SLC12A9: variants seen among roughly 807,000 people sequenced by gnomAD.
SLC12A9 encodes the protein CCC-interacting protein 1.
In SLC12A9, 55 loss-of-function variants were observed where a neutral mutation model predicts 66.0. The observed-to-expected ratio is 0.83, with a 90% CI of 0.67 to 1.04. The LOEUF (loss-of-function observed/expected upper bound fraction) is 1.04, where lower values mean the gene tolerates loss of function less well. Among genes scored for constraint, SLC12A9 ranks in the 50% least tolerant of loss-of-function variants. SLC12A9 has a pLI of 0.00. For synonymous variants in SLC12A9, 577 were observed against 569.0 expected (o/e 1.01, Z -0.20); for missense variants, 1,061 against 1,241.9 (o/e 0.85, Z 2.19).
chr7:100,851,361 A>G (rs562293130), upstream of SLC12A9, among the ~76,000 whole-genome samples: 8 of 152,092 alleles, frequency 5.3e-5, no homozygotes, highest in South Asian at 1.5e-3. Flanking sequence ...ATGGAAGCAG[A>G]GTTCAGTGAC....
chr7:100,828,886 G>T (rs1355498382), intron 1 of SLC12A9, among the ~76,000 whole-genome samples: 1 of 151,954 alleles, frequency 6.6e-6, no homozygotes, highest in Non-Finnish European at 1.5e-5. Flanking sequence ...TAACAGTATG[G>T]GTTACTGGAT....
chr7:100,857,118 G>A lies in SLC12A9; in HGVS notation c.699G>A (p.Pro233=), dbSNP rs745820372. The A allele has an allele frequency of 1.5e-4, 237 of 1,614,050 alleles. No homozygotes were observed. Among genetic ancestry groups the A allele is most frequent in the East Asian group, 2.5e-4 (11 of 44,896 alleles). ...PRPGPNGSSL[P]PRFGHFTGFN... Reference sequence around the variant, plus strand: ...CTGGCCCCAATGGCTCCTCCCTGCCGCCCCGGTTTGGCCACTTCACCGGCT... The same window carrying A: ...CTGGCCCCAATGGCTCCTCCCTGCCACCCCGGTTTGGCCACTTCACCGGCT... The change falls in exon 5 of 14, where the codon CCG becomes CCA. Residue 233 remains proline (P), a synonymous_variant. Coordinates refer to ENST00000354161, the MANE Select transcript of SLC12A9 (RefSeq NM_020246.4).
intron 4 of SLC12A9, chr7:100,856,084 C>T (rs1584695180): frequency 2.8e-6 from 1 of 362,584 alleles, no homozygotes; most frequent in Non-Finnish European, 4.7e-6. Context: ...ACAGAGACCA[C>T]CAGGGAGAGC....
intron 1 of SLC12A9, among the ~76,000 whole-genome samples, chr7:100,837,023 T>A (rs1309469980): frequency 6.6e-6 from 1 of 152,194 alleles, no homozygotes; most frequent in African/African-American, 2.4e-5. Context: ...GGGAACACTC[T>A]GAGGTCACCT....
chr7:100,864,675 T>C (rs948738665), intron 13 of SLC12A9, among the ~76,000 whole-genome samples: 3 of 152,190 alleles, frequency 2.0e-5, no homozygotes, highest in Non-Finnish European at 4.4e-5. Context: ...TGGAGGCGGA[T>C]TGCGTTGACC....
At chr7:100,843,472 A>T (rs1213904001) in intron 1 of SLC12A9, among the ~76,000 whole-genome samples, 1 of 152,236 alleles carries the variant, frequency 6.6e-6, no homozygotes, top group Non-Finnish European at 1.5e-5. Context: ...CCCTGAGGCT[A>T]CCTGAACCCT....
In SLC12A9 at chr7:100,859,917, G is replaced by T; in HGVS notation, c.1010G>T (p.Arg337Leu). 2 of 1,606,586 alleles carry T rather than the reference G, an allele frequency of 1.2e-6. No individual in the cohort carries two copies. The highest frequency in any genetic ancestry group is 2.7e-5 in the African/African-American group (2 of 74,886). ...CTGCAGGAAGACTATGGGTTCTTCC[G>T]CGCCATCAGCCTGTGGCCCCCACTG... ...TLLQEDYGFF[R>L]AISLWPPLVL... Residue 337 changes from arginine to leucine, a missense_variant, in exon 8 of 14, where the codon CGC becomes CTC. Coordinates refer to ENST00000354161, the MANE Select transcript of SLC12A9 (RefSeq NM_020246.4).
At chr7:100,850,020 C>T (rs1464148604), upstream of SLC12A9, among the ~76,000 whole-genome samples, 1 of 151,864 alleles carries the variant, frequency 6.6e-6, no homozygotes, top group Non-Finnish European at 1.5e-5. Context: ...CTACGGTTGC[C>T]TGCCACCACG....
At chr7:100,865,472 C>G in intron 13 of SLC12A9, 1 of 1,532,916 alleles carries the variant, frequency 6.5e-7, no homozygotes, top group African/African-American at 1.4e-5. Context: ...AATCCTAAGG[C>G]GAACTTTGCC....
upstream of SLC12A9, chr7:100,852,628 G>A (rs762593414): frequency 1.3e-5 from 2 of 148,958 alleles, no homozygotes; most frequent in Non-Finnish European, 3.0e-5. Context: ...GGCTGGGGAA[G>A]AGCAGAGAGG....
At position 100,865,393 on chromosome 7, in the gene SLC12A9, G is replaced by T. The variant is rs1019820549; in HGVS notation, c.1859-326G>T. The T allele has an allele frequency of 4.6e-6, 7 of 1,536,036 alleles. No individual in the cohort carries two copies. The African/African-American group carries it at 9.6e-5, about 21-fold the overall frequency. ...TCGCATCCCCTGCCGTGAAACAGAT[G>T]CCCCGCTAGAAGCCGGGAGTGGACA... On this transcript the variant is annotated intron_variant, in intron 13 of 13. Transcript: ENST00000354161.
intron 9 of SLC12A9, 83 bp downstream of exon 9, chr7:100,860,315 C>T (rs1401468488): frequency 7.0e-7 from 1 of 1,427,944 alleles, no homozygotes; most frequent in Non-Finnish European, 9.7e-7. Flanking sequence ...GGCTGGGAGA[C>T]AAATGTAAAG....
In SLC12A9 at chr7:100,854,202, C is replaced by A. The variant is rs1363974287; in HGVS notation, c.5C>A (p.Ala2Asp). Residue 2 changes from alanine (A) to aspartate (D), a missense_variant, in exon 2 of 14, where the codon GCC becomes GAC. Coordinates refer to ENST00000354161, the MANE Select transcript of SLC12A9 (RefSeq NM_020246.4). ...TTCCTCTACCTGTGCTCAGCCATGG[C>A]CAGCGAGAGCTCACCTCTGCTGGCC... M[A>D]SESSPLLAYR... is the part of the protein sequence containing the mutation. The A allele has an allele frequency of 6.4e-7, 1 of 1,564,094 alleles. No homozygotes were observed. Among genetic ancestry groups the A allele is most frequent in the African/African-American group, 1.4e-5 (1 of 72,072 alleles).
rs1246415570 is a variant in SLC12A9 at position 100,858,564 on chromosome 7, T to C, written c.758-271T>C. 1.7e-5 allele frequency: 6 copies of C among 357,334 alleles called. No individual in the cohort carries two copies. In the East Asian group the frequency reaches 3.7e-4, roughly 22 times the overall value. 22.1% of individuals were successfully genotyped at this position (357,334 alleles called of 1,614,324 possible). On this transcript the variant is annotated intron_variant, in intron 5 of 13. Coordinates refer to ENST00000354161, the MANE Select transcript of SLC12A9 (RefSeq NM_020246.4). The stretch of plus-strand genomic sequence containing the variant: ...ACGATGGTGCCACTGCACTCCAGCC[T>C]GGATGACAGAGCCAGACCCTGTCTC...
chr7:100,854,828 C>G (rs1390809171), intron 3 of SLC12A9, 74 bp downstream of exon 3: 1 of 1,568,132 alleles, frequency 6.4e-7, no homozygotes, highest in Non-Finnish European at 8.7e-7. Context: ...GGGCCATTAC[C>G]TTTGTTGGCT....
intron 1 of SLC12A9, among the ~76,000 whole-genome samples, chr7:100,846,566 C>CAA (rs199870500): frequency 9.5e-6 from 1 of 105,460 alleles, no homozygotes; most frequent in South Asian, 2.8e-4. Context: ...GACTCCGTCT[C>CAA]AAAAAAAAAA....
At chr7:100,865,266 T>G (rs1814998265) in intron 13 of SLC12A9, 1 of 1,535,616 alleles carries the variant, frequency 6.5e-7, no homozygotes. Context: ...CCTGGTCCAT[T>G]TTTTCATCTT....
intron 5 of SLC12A9, 68 bp downstream of exon 5, chr7:100,857,244 A>G (rs938724987): frequency 2.0e-5 from 31 of 1,521,444 alleles, no homozygotes; most frequent in Non-Finnish European, 2.8e-5. Flanking sequence ...CCGGGCCCGT[A>G]AAACCTCTGG....
chr7:100,865,603 T>C (rs763772889), intron 13 of SLC12A9, 116 bp from the exon 14 acceptor site: 39 of 1,562,884 alleles, frequency 2.5e-5, no homozygotes, highest in Non-Finnish European at 3.3e-5. Flanking sequence ...CCGTACACAG[T>C]GGGAATGTCA....
Sources: allele counts gnomAD v4.1 joint callset (sites outside exome capture counted in the v4.1 genomes callset), GRCh38; gene constraint gnomAD v4.1.1; transcripts MANE v1.5; gene names NCBI Gene and HGNC (gene_info 2026-07-23, HGNC 2026-07-21).